Variants in SZT2 observed in about 807,000 individuals in gnomAD.
SZT2 encodes KICSTOR complex protein SZT2.
Under a neutral mutation model 404.2 loss-of-function variants are expected in SZT2, and 216 were observed. The ratio of observed to expected loss-of-function variants is 0.53; its 90% CI spans 0.48 to 0.60. The LOEUF (loss-of-function observed/expected upper bound fraction) is 0.60. Ranked by LOEUF, SZT2 falls within the 20% of genes least tolerant of loss-of-function variation. The pLI is 0.00. For synonymous variants in SZT2, 1,693 were observed against 1,749.9 expected (o/e 0.97, Z 0.81); for missense variants, 3,857 against 4,459.2 (o/e 0.86, Z 3.85).
chr1:43,440,225 C>T (rs1654920124), intron 51 of SZT2, among the ~76,000 whole-genome samples, 177 bp downstream of exon 51: 1 of 152,218 alleles, frequency 6.6e-6, no homozygotes, highest in African/African-American at 2.4e-5. Context: ...AGGTGCTACA[C>T]TGGCAGCAGT....
Position 43,437,179 on chromosome 1 carries a change from G to C in SZT2, c.6043G>C (p.Ala2015Pro). The C allele has an allele frequency of 6.2e-7, 1 of 1,614,178 alleles. No homozygotes were observed. Among genetic ancestry groups the C allele is most frequent in the South Asian group, 1.1e-5 (1 of 91,086 alleles). The change falls in exon 43 of 72, where the codon GCT (alanine) becomes CCT (proline). Residue 2015 changes from alanine to proline, a missense_variant. Ala to Pro is a conservative substitution (Grantham distance 27, BLOSUM62 -1). Transcript: ENST00000634258. The surrounding 1 kb of genome is among the most constrained non-coding windows in gnomAD (Gnocchi z 5.3). ...RAPLPSDDYA[A>P]DESCAPRGYL... is the part of the protein sequence containing the mutation. ...TGCTCCCCCTCACCCAGATTATGCT[G>C]CTGATGAGAGCTGTGCGCCCCGTGG...
chr1:43,413,784 G>A (rs989998287), intron 4 of SZT2, among the ~76,000 whole-genome samples: 2 of 152,178 alleles, frequency 1.3e-5, no homozygotes, highest in East Asian at 1.9e-4. Flanking sequence ...AGAGTGGAAC[G>A]ATGGTTACCA....
chr1:43,404,258 T>G, intron 3 of SZT2, 122 bp from the exon 4 acceptor site: 1 of 787,716 alleles, frequency 1.3e-6, no homozygotes, highest in Non-Finnish European at 2.0e-6. Context: ...TGTGTGGCAC[T>G]GTATTTGGGT....
At chr1:43,430,217 A>G in intron 30 of SZT2, 94 bp from the exon 31 acceptor site, 2 of 1,551,632 alleles carry the variant, frequency 1.3e-6, no homozygotes, top group South Asian at 2.2e-5. Context: ...GCCTTAGATC[A>G]AGCTGTCTAA....
At chr1:43,406,087 ATT>A (rs2153930097) in intron 4 of SZT2, 1 of 158,300 alleles carries the variant, frequency 6.3e-6, no homozygotes, top group East Asian at 1.9e-4. Context: ...ACAAAGCAGC[ATT>A]TGTTTTTCAT....
Position 43,433,176 on chromosome 1 carries a change from G to A in SZT2, c.5790G>A (p.Val1930=), listed in dbSNP as rs748921667. 26 of 1,613,562 alleles carry A rather than the reference G, an allele frequency of 1.6e-5. No individual in the cohort carries two copies. The highest frequency in any genetic ancestry group is 2.0e-5 in the Non-Finnish European group (24 of 1,179,992). ...IVRVLQDRVE[V]YAHARSLIRE... ...GGGTCCTGCAGGACCGTGTGGAAGT[G>A]TATGCACATGCACGGTAAGTAGAAG... Residue 1930 remains valine, a synonymous_variant, in exon 40 of 72, where the codon GTG becomes GTA. Transcript: ENST00000634258.
chr1:43,403,035 G>A, intron 1 of SZT2, 142 bp from the exon 2 acceptor site: 3 of 843,362 alleles, frequency 3.6e-6, no homozygotes, highest in Admixed American at 2.5e-5. Context: ...CTTGCATGGA[G>A]GTTGGGGTAA....
At position 43,439,878 on chromosome 1, in the gene SZT2, C is replaced by G; in HGVS notation, c.7043-3C>G. The G allele has an allele frequency of 6.3e-7, 1 of 1,586,860 alleles. No individual in the cohort carries two copies. The highest frequency in any genetic ancestry group is 8.6e-7 in the Non-Finnish European group (1 of 1,166,188). On this transcript the variant is annotated splice_polypyrimidine_tract_variant and splice_region_variant and intron_variant, in intron 50 of 71. Transcript: ENST00000634258. This position sits in a 1 kb window ranked among gnomAD's most constrained non-coding sequence, Gnocchi z 4.2. ...CCCTCAAGTGTCCCTGTTCTCCTTC[C>G]AGCTCAGAATGGGGCCCCACGGCTT...
Position 43,450,019 on chromosome 1 carries a change from G to A in SZT2, c.10087-84G>A. On this transcript the variant is annotated intron_variant, in intron 70 of 71. Transcript: ENST00000634258. This position sits in a 1 kb window ranked among gnomAD's most constrained non-coding sequence, Gnocchi z 4.3. ...GGGTGAGGTGTGGAGATGGAAGTAG[G>A]CCTCTCCTCATCCTCCCTTCACCTC... is the stretch of plus-strand genomic sequence containing the variant. 1 of 1,525,634 alleles carries A rather than the reference G, an allele frequency of 6.6e-7. No homozygotes were observed. Among genetic ancestry groups the A allele is most frequent in the Non-Finnish European group, 9.1e-7 (1 of 1,100,680 alleles). The allele number at this position is 1,525,634 out of a possible 1,614,324, so 94.5% of individuals were successfully genotyped here.
Position 43,451,966 on chromosome 1 carries a change from G to A in SZT2, c.*1486G>A, listed in dbSNP as rs2251802. 0.38 allele frequency: 612,475 copies of A among 1,610,584 alleles called. 123,090 individuals are homozygous for A. Among genetic ancestry groups the A allele is most frequent in the Non-Finnish European group, 0.42 (492,516 of 1,177,538 alleles). The stretch of plus-strand genomic sequence containing the variant: ...GGGGCGTGTCCAGGAAGTACTGGGG[G>A]TCAGTGATGCGGGTGTTGATGGGCT... On this transcript the variant is annotated 3_prime_UTR_variant, in exon 72 of 72. Transcript: ENST00000634258.
chr1:43,452,773 C>A lies in SZT2; in HGVS notation c.*2293C>A. The A allele has an allele frequency of 1.1e-6, 1 of 921,132 alleles. No homozygotes were observed. Among genetic ancestry groups the A allele is most frequent in the Non-Finnish European group, 1.7e-6 (1 of 595,694 alleles). 57.1% of individuals were successfully genotyped at this position (921,132 alleles called of 1,614,324 possible). A position where few individuals can be genotyped will look rare whatever the true frequency, so the allele number is the denominator to read the frequency against. Reference sequence around the variant, plus strand: ...GCCAGTTCCTTCTGAGCCTGTTTGGCCTCTGCAGGATTTGACATTTGAATC... The same window carrying A: ...GCCAGTTCCTTCTGAGCCTGTTTGGACTCTGCAGGATTTGACATTTGAATC... On this transcript the variant is annotated 3_prime_UTR_variant, in exon 72 of 72. Transcript: ENST00000634258.
intron 70 of SZT2, chr1:43,449,727 A>C (rs551808141): frequency 2.9e-6 from 1 of 342,502 alleles, no homozygotes. Context: ...GCAGAGCGTT[A>C]GGGAGCAGAT....
Position 43,394,936 on chromosome 1 carries a change from A to G in SZT2, c.27+4941A>G, listed in dbSNP as rs137925715. 1.1e-4 allele frequency among the ~76,000 whole-genome samples: 17 copies of G among 152,262 alleles called. 1 individual carries two copies. In the East Asian group the frequency reaches 1.7e-3, roughly 16 times the overall value. On this transcript the variant is annotated intron_variant, in intron 1 of 71. Coordinates refer to ENST00000634258, the MANE Select transcript of SZT2 (RefSeq NM_001365999.1). ...ATAGTTGTTGACTTTGAAGGATCAT[A>G]TGTAAAGGGGGATGTTGCAAGAAGA...
At chr1:43,438,542 C>T (rs1178258318) in intron 46 of SZT2, among the ~76,000 whole-genome samples, 157 bp from the exon 47 acceptor site, 1 of 152,056 alleles carries the variant, frequency 6.6e-6, no homozygotes, top group Non-Finnish European at 1.5e-5. Flanking sequence ...AGTAGTTTGG[C>T]AGAATTGGAA....
chr1:43,452,228 G>A lies in SZT2; in HGVS notation c.*1748G>A. On this transcript the variant is annotated 3_prime_UTR_variant, in exon 72 of 72. Transcript: ENST00000634258. ...ACCTGAGCCAAAACCCCAGCTGCAT[G>A]CCTCAGGTTCTCCAGAAAAACGGCC... 6.2e-7 allele frequency: 1 copy of A among 1,613,666 alleles called. No individual in the cohort carries two copies. Among genetic ancestry groups the A allele is most frequent in the Non-Finnish European group, 8.5e-7 (1 of 1,179,736 alleles).
intron 66 of SZT2, 38 bp from the exon 67 acceptor site, chr1:43,447,507 G>C (rs777221034): frequency 1.9e-6 from 3 of 1,606,328 alleles, no homozygotes; most frequent in Admixed American, 1.7e-5. Flanking sequence ...GTCTGTCCTA[G>C]GCTTAGTGTC....
intron 4 of SZT2, chr1:43,404,818 C>T (rs1650108877): frequency 2.9e-6 from 1 of 340,150 alleles, no homozygotes; most frequent in Non-Finnish European, 5.3e-6. Context: ...CTCTTTGATT[C>T]TGACCACTGG....
rs889257441 is a variant in SZT2 at position 43,451,959 on chromosome 1, A to C, written c.*1479A>C. The stretch of plus-strand genomic sequence containing the variant: ...CCCTGCTGGGGCGTGTCCAGGAAGT[A>C]CTGGGGGTCAGTGATGCGGGTGTTG... On this transcript the variant is annotated 3_prime_UTR_variant, in exon 72 of 72. Transcript: ENST00000634258. 6.2e-7 allele frequency: 1 copy of C among 1,612,252 alleles called. No individual in the cohort carries two copies.
rs776091746 is a variant in SZT2, at chr1:43,448,548, G to T, written c.9969+64G>T. ...GCCAGGAATTCCACTGGCAGCCAGG[G>T]CAGAGGGCACAGGAATCTGAGGTGA... On this transcript the variant is annotated intron_variant, in intron 69 of 71. Transcript: ENST00000634258. The surrounding 1 kb of genome is among the most constrained non-coding windows in gnomAD (Gnocchi z 4.2). 1 of 1,612,780 alleles carries T rather than the reference G, an allele frequency of 6.2e-7. No individual in the cohort carries two copies. Among genetic ancestry groups the T allele is most frequent in the Non-Finnish European group, 8.5e-7 (1 of 1,179,074 alleles).
Sources: allele counts gnomAD v4.1 joint callset (sites outside exome capture counted in the v4.1 genomes callset), GRCh38; gene constraint gnomAD v4.1.1; non-coding constraint Gnocchi (gnomAD v3.1); transcripts MANE v1.5; gene names NCBI Gene and HGNC (gene_info 2026-07-23, HGNC 2026-07-21).